Variants in DCAF1 observed in about 807,000 individuals in gnomAD.
DCAF1 encodes the protein DDB1- and CUL4-associated factor 1.
DCAF1 carries 15 observed loss-of-function variants against 128.0 expected under a neutral mutation model. That is an observed-to-expected ratio of 0.12 (90% CI 0.08 to 0.18). DCAF1 has a LOEUF of 0.18. Among genes scored for constraint, DCAF1 ranks in the 10% least tolerant of loss-of-function variants. The pLI is 1.00. For missense variants in DCAF1, 988 were observed against 1,649.5 expected, an observed-to-expected ratio of 0.60 and a Z score of 6.95; for synonymous variants, 610 against 603.0, an observed-to-expected ratio of 1.01 and a Z score of -0.17.
At chr3:51,470,890 G>GAA in intron 4 of DCAF1, 39 bp downstream of exon 4, 20 of 1,285,024 alleles carry the variant, frequency 1.6e-5, no homozygotes, top group Admixed American at 7.5e-5. Flanking sequence ...TGTCTTAAAA[G>GAA]AAAAAAAAAA....
At chr3:51,483,345 CAGG>C (rs1379190561) in intron 3 of DCAF1, among the ~76,000 whole-genome samples, 1 of 151,442 alleles carries the variant, frequency 6.6e-6, no homozygotes, top group Admixed American at 6.6e-5. Context: ...GAGGCTGAGG[CAGG>C]AGAACCCCTT....
intron 1 of DCAF1, among the ~76,000 whole-genome samples, chr3:51,497,402 C>T (rs145661272): frequency 1.1e-3 from 161 of 152,142 alleles, no homozygotes; most frequent in Non-Finnish European, 1.9e-3. Flanking sequence ...GCCGGACCAA[C>T]ATGGTGAAAC....
At chr3:51,481,105 G>A (rs1442061988) in intron 3 of DCAF1, among the ~76,000 whole-genome samples, 1 of 152,100 alleles carries the variant, frequency 6.6e-6, no homozygotes, top group Non-Finnish European at 1.5e-5. Context: ...TCATAGCTGT[G>A]AAAACAACTT....
rs139428410 is a variant in DCAF1, at chr3:51,491,716, C to T, written c.-9+5018G>A. 4.6e-3 allele frequency among the ~76,000 whole-genome samples: 695 copies of T among 151,472 alleles called. 7 individuals are homozygous for T. Among genetic ancestry groups the T allele is most frequent in the African/African-American group, 0.016 (657 of 41,286 alleles). On this transcript the variant is annotated intron_variant, in intron 2 of 24. Transcript: ENST00000684031. Reference sequence around the variant, plus strand: ...CAAAAATTAGCCAGGCATGGTGGCGCGCCTGTAACCCCAGCTACTCAGGGG... The same window carrying T: ...CAAAAATTAGCCAGGCATGGTGGCGTGCCTGTAACCCCAGCTACTCAGGGG...
At chr3:51,470,445 T>C (rs1704609430) in intron 4 of DCAF1, among the ~76,000 whole-genome samples, 1 of 151,938 alleles carries the variant, frequency 6.6e-6, no homozygotes, top group South Asian at 2.1e-4. Flanking sequence ...CACACGCCTG[T>C]AGTCCCAGCT....
chr3:51,458,764 T>G (rs1461078172), intron 6 of DCAF1, among the ~76,000 whole-genome samples: 4 of 152,136 alleles, frequency 2.6e-5, no homozygotes, highest in African/African-American at 9.7e-5. Context: ...AGAAACTCAC[T>G]CAAAACTGCT....
chr3:51,431,701 C>T (rs1199710083), intron 10 of DCAF1, among the ~76,000 whole-genome samples: 9 of 151,822 alleles, frequency 5.9e-5, no homozygotes, highest in Admixed American at 5.9e-4. Context: ...CCTATAATCT[C>T]AGCACTTTGG....
At chr3:51,402,758 G>A (rs765179502) in intron 24 of DCAF1, among the ~76,000 whole-genome samples, 1 of 151,948 alleles carries the variant, frequency 6.6e-6, no homozygotes, top group African/African-American at 2.4e-5. Flanking sequence ...ATTTTTAGTA[G>A]AGACAGGATT....
intron 14 of DCAF1, among the ~76,000 whole-genome samples, chr3:51,421,357 A>G (rs1168342512): frequency 1.3e-5 from 2 of 152,114 alleles, no homozygotes; most frequent in Non-Finnish European, 2.9e-5. Flanking sequence ...CCCGAGTTCA[A>G]GTGATTCTCC....
At position 51,419,730 on chromosome 3, in the gene DCAF1, T is replaced by G. The variant is rs1282122447; in HGVS notation, c.3236+4A>C. 6.2e-7 allele frequency: 1 copy of G among 1,603,406 alleles called. No individual in the cohort carries two copies. Among genetic ancestry groups the G allele is most frequent in the Non-Finnish European group, 8.5e-7 (1 of 1,173,786 alleles). ...CCAGGGAGTAAGAAGGGGCCTCTTC[T>G]TACCTGCTAAAGATAAGGTGCCTAT... On this transcript the variant is annotated splice_donor_region_variant and intron_variant, in intron 15 of 24. Coordinates refer to ENST00000684031, the MANE Select transcript of DCAF1 (RefSeq NM_001387579.1).
chr3:51,488,345 T>A (rs184510422), intron 2 of DCAF1, among the ~76,000 whole-genome samples: 1 of 152,194 alleles, frequency 6.6e-6, no homozygotes, highest in African/African-American at 2.4e-5. Context: ...GACATAAAAA[T>A]CCTCAACAAA....
At position 51,499,569 on chromosome 3, in the gene DCAF1, G is replaced by A. The variant is rs562812395; in HGVS notation, c.-56+304C>T. The stretch of plus-strand genomic sequence containing the variant: ...GGAAATGAAATGCGCCCCTCCTCCA[G>A]GTAGGGGCGGACACACCCCGCCCCC... On this transcript the variant is annotated intron_variant, in intron 1 of 24. Coordinates refer to ENST00000684031, the MANE Select transcript of DCAF1 (RefSeq NM_001387579.1). 2.6e-3 allele frequency among the ~76,000 whole-genome samples: 400 copies of A among 152,114 alleles called. 3 individuals are homozygous for A. Among genetic ancestry groups the A allele is most frequent in the African/African-American group, 9.2e-3 (383 of 41,540 alleles).
chr3:51,483,646 T>TGTGC, intron 3 of DCAF1, 73 bp downstream of exon 3: 1 of 954,370 alleles, frequency 1.0e-6, no homozygotes, highest in Non-Finnish European at 1.7e-6. Context: ...TGTGTGTGTG[T>TGTGC]ATGAAGAAAT....
intron 2 of DCAF1, among the ~76,000 whole-genome samples, chr3:51,491,781 G>T (rs1234405651): frequency 6.6e-6 from 1 of 151,992 alleles, no homozygotes; most frequent in Non-Finnish European, 1.5e-5. Flanking sequence ...GGAGGCGGAG[G>T]TTGCAGTGAG....
In DCAF1 at chr3:51,443,124, A is replaced by G. The variant is rs73078647; in HGVS notation, c.513+642T>C. 9.9e-3 allele frequency among the ~76,000 whole-genome samples: 1,513 copies of G among 152,312 alleles called. 13 individuals carry two copies. The highest frequency in any genetic ancestry group is 0.016 in the Admixed American group (238 of 15,284). ...AAAAAAGGGCAGATGGATGGATATT[A>G]TAAGTGTTCACAATCAATTTAGGTG... On this transcript the variant is annotated intron_variant, in intron 7 of 24. Transcript: ENST00000684031.
At chr3:51,501,351 CTCTGACCAGCAGT>C (rs1553664227), upstream of DCAF1, among the ~76,000 whole-genome samples, 1 of 152,182 alleles carries the variant, frequency 6.6e-6, no homozygotes, top group African/African-American at 2.4e-5. Context: ...GGACTCCTTA[CTCTGACCAGCAGT>C]CCCTCTTGTG....
At position 51,420,966 on chromosome 3, in the gene DCAF1, A is replaced by G. The variant is rs1553632348; in HGVS notation, c.2004T>C (p.Gly668=). ...TTTCAGCATCATGGATGAAGAACTC[A>G]CCCTCAGCCACTCCCAAAATAATGC... ...GISIILGVAE[G]EFFIHDAEIQ... The change falls in exon 15 of 25, where the codon GGT becomes GGC. Residue 668 remains glycine (G), a synonymous_variant. Coordinates refer to ENST00000684031, the MANE Select transcript of DCAF1 (RefSeq NM_001387579.1). The surrounding 1 kb of genome is among the most constrained non-coding windows in gnomAD (Gnocchi z 6.5). 4 of 1,613,374 alleles carry G rather than the reference A, an allele frequency of 2.5e-6. No homozygotes were observed. Among genetic ancestry groups the G allele is most frequent in the Non-Finnish European group, 3.4e-6 (4 of 1,179,550 alleles).
At chr3:51,469,324 G>A (rs953117872) in intron 4 of DCAF1, among the ~76,000 whole-genome samples, 1 of 146,756 alleles carries the variant, frequency 6.8e-6, no homozygotes. Flanking sequence ...TCTGCCTCCT[G>A]GGTTCAAGCG....
chr3:51,403,585 A>G (rs371718804), intron 23 of DCAF1, among the ~76,000 whole-genome samples, 190 bp from the exon 24 acceptor site: 1 of 152,242 alleles, frequency 6.6e-6, no homozygotes, highest in Admixed American at 6.5e-5. Context: ...ATGTCCCTCA[A>G]GACGGTCAAA....
Sources: allele counts gnomAD v4.1 joint callset (sites outside exome capture counted in the v4.1 genomes callset), GRCh38; gene constraint gnomAD v4.1.1; non-coding constraint Gnocchi (gnomAD v3.1); transcripts MANE v1.5; gene names NCBI Gene and HGNC (gene_info 2026-07-23, HGNC 2026-07-21).